FBXW8: variants seen among roughly 807,000 people sequenced by gnomAD.
FBXW8 encodes F-box and WD repeat domain containing 8.
In FBXW8, 57 loss-of-function variants were observed where a neutral mutation model predicts 65.3. That is an observed-to-expected ratio of 0.87 (90% CI 0.71 to 1.09). The LOEUF (loss-of-function observed/expected upper bound fraction) is 1.09. Among genes scored for constraint, FBXW8 ranks in the 50% least tolerant of loss-of-function variants. The pLI is 0.00. For missense variants in FBXW8, 777 were observed against 814.8 expected (o/e 0.95, Z 0.57); for synonymous variants, 308 against 330.2 (o/e 0.93, Z 0.73).
At chr12:116,941,307 A>C (rs1184038432) in intron 2 of FBXW8, among the ~76,000 whole-genome samples, 1 of 152,246 alleles carries the variant, frequency 6.6e-6, no homozygotes, top group Non-Finnish European at 1.5e-5. Context: ...AAACCACTGG[A>C]GACTGAGACA....
chr12:116,968,086 T>TGGG (rs1884437005), intron 5 of FBXW8, among the ~76,000 whole-genome samples: 3 of 152,216 alleles, frequency 2.0e-5, no homozygotes, highest in Non-Finnish European at 4.4e-5. Flanking sequence ...TATTCTTTAA[T>TGGG]GGACTTGTTT....
chr12:117,028,227 T>A lies in FBXW8; in HGVS notation c.*55T>A, dbSNP rs1954286583. ...AAATGGGAAGAACCAGTTTTATCCA[T>A]CTTAAAACGCCAGGCACCTCTTCAC... On this transcript the variant is annotated 3_prime_UTR_variant, in exon 11 of 11. Transcript: ENST00000652555. This position sits in a 1 kb window ranked among gnomAD's most constrained non-coding sequence, Gnocchi z 4.1. 6.3e-7 allele frequency: 1 copy of A among 1,598,764 alleles called. No individual in the cohort carries two copies. The highest frequency in any genetic ancestry group is 1.1e-5 in the South Asian group (1 of 90,130).
At chr12:116,968,301 T>G (rs192053531) in intron 5 of FBXW8, among the ~76,000 whole-genome samples, 1 of 152,374 alleles carries the variant, frequency 6.6e-6, no homozygotes, top group African/African-American at 2.4e-5. Context: ...CTTTCTTGTA[T>G]ATCCTTGTAT....
intron 5 of FBXW8, among the ~76,000 whole-genome samples, chr12:116,976,458 T>TC (rs1204711949): frequency 4.8e-5 from 7 of 146,348 alleles, no homozygotes; most frequent in African/African-American, 1.5e-4. Context: ...TCCTTTTTTT[T>TC]TTTTTTTTTT....
chr12:117,000,896 A>G (rs981438029), intron 7 of FBXW8, among the ~76,000 whole-genome samples: 1 of 152,248 alleles, frequency 6.6e-6, no homozygotes, highest in African/African-American at 2.4e-5. Flanking sequence ...TATGGTCACA[A>G]AGTGGCGCAG....
At chr12:116,993,949 T>C (rs1953313255) in intron 7 of FBXW8, among the ~76,000 whole-genome samples, 1 of 152,218 alleles carries the variant, frequency 6.6e-6, no homozygotes, top group African/African-American at 2.4e-5. Flanking sequence ...TACATGTGGT[T>C]ATCCAATTTT....
intron 4 of FBXW8, among the ~76,000 whole-genome samples, chr12:116,955,811 GAC>G (rs1431658466): frequency 7.2e-5 from 11 of 152,112 alleles, no homozygotes; most frequent in Non-Finnish European, 1.6e-4. Flanking sequence ...GTTCAAAAAA[GAC>G]AGTATAAAAC....
intron 4 of FBXW8, among the ~76,000 whole-genome samples, chr12:116,952,205 G>A (rs1305304811): frequency 6.6e-6 from 1 of 152,130 alleles, no homozygotes; most frequent in South Asian, 2.1e-4. Flanking sequence ...TATGACATTG[G>A]CCATTCATGT....
At chr12:116,976,844 G>C (rs540177935) in intron 5 of FBXW8, among the ~76,000 whole-genome samples, 3 of 151,982 alleles carry the variant, frequency 2.0e-5, no homozygotes. Context: ...AAAATTTATC[G>C]GTTTCATATA....
intron 3 of FBXW8, 126 bp from the exon 4 acceptor site, chr12:116,949,492 A>G (rs1252354007): frequency 1.3e-6 from 1 of 779,574 alleles, no homozygotes; most frequent in East Asian, 2.6e-5. Flanking sequence ...TGCCCATGGA[A>G]CTTTGAATGC....
At chr12:116,949,441 T>C (rs1883127648) in intron 3 of FBXW8, 177 bp from the exon 4 acceptor site, 1 of 629,078 alleles carries the variant, frequency 1.6e-6, no homozygotes, top group African/African-American at 1.8e-5. Context: ...CGCCCATGCT[T>C]AACAGCTTAG....
chr12:116,990,629 T>C (rs549718209), intron 7 of FBXW8, among the ~76,000 whole-genome samples: 4 of 152,224 alleles, frequency 2.6e-5, no homozygotes, highest in Non-Finnish European at 4.4e-5. Flanking sequence ...ATAAATGTTT[T>C]CTCCTTGACT....
At chr12:116,945,856 G>A (rs1882896083) in intron 3 of FBXW8, among the ~76,000 whole-genome samples, 1 of 152,194 alleles carries the variant, frequency 6.6e-6, no homozygotes. Context: ...ACTCTCTGGA[G>A]GGACCCAGAA....
At chr12:116,925,237 A>C (rs562930385) in intron 1 of FBXW8, among the ~76,000 whole-genome samples, 2 of 150,322 alleles carry the variant, frequency 1.3e-5, no homozygotes, top group African/African-American at 5.0e-5. Context: ...AGGCTGCCTT[A>C]GTGGGGTGGG....
intron 2 of FBXW8, among the ~76,000 whole-genome samples, chr12:116,940,145 T>C (rs1330534898): frequency 6.6e-6 from 1 of 152,194 alleles, no homozygotes; most frequent in Non-Finnish European, 1.5e-5. Flanking sequence ...TAACTGATGC[T>C]GTGGCCATGC....
chr12:116,977,107 T>TCG lies in FBXW8; in HGVS notation c.836-8098_836-8097insGC. Among the ~76,000 whole-genome samples the TCG allele has an allele frequency of 2.0e-5, 3 of 152,372 alleles. No individual in the cohort carries two copies. In the East Asian group the frequency reaches 5.8e-4, roughly 29 times the overall value. On this transcript the variant is annotated intron_variant, in intron 5 of 10. Transcript: ENST00000652555. ...AATGCCCAAGTGAGATGTTAGGCTG[T>TCG]CTGTGGTTTCTGTCTTCTCATTCTT...
At chr12:116,987,360 G>A (rs1201206942) in intron 6 of FBXW8, 1 of 152,338 alleles carries the variant, frequency 6.6e-6, no homozygotes, top group African/African-American at 2.4e-5. Flanking sequence ...TACTCGCAGA[G>A]GCGAAAGCCT....
chr12:117,027,705 G>A (rs185216527), intron 10 of FBXW8, among the ~76,000 whole-genome samples: 47 of 152,344 alleles, frequency 3.1e-4, no homozygotes, highest in African/African-American at 8.7e-4. Context: ...CCCGTGGGGC[G>A]AGTCCACGCT....
intron 6 of FBXW8, among the ~76,000 whole-genome samples, chr12:116,987,952 C>T (rs1344205305): frequency 6.6e-6 from 1 of 152,196 alleles, no homozygotes; most frequent in Non-Finnish European, 1.5e-5. Context: ...TTACCTAACT[C>T]ATCTTGCATC....
Sources: gnomAD v4.1 joint callset for allele counts (sites outside exome capture counted in the v4.1 genomes callset) on GRCh38, gnomAD v4.1.1 for gene constraint, Gnocchi (gnomAD v3.1) non-coding constraint, MANE v1.5 for transcripts, NCBI Gene and HGNC (gene_info 2026-07-23, HGNC 2026-07-21) for gene names.